The following EFCAB8 variants were observed in gnomAD, a reference collection of about 807,000 sequenced individuals.
EFCAB8 encodes the protein EF-hand calcium-binding domain-containing protein 8.
Under a neutral mutation model 116.3 loss-of-function variants are expected in EFCAB8, and 100 were observed. The observed-to-expected ratio is 0.86, with a 90% CI of 0.73 to 1.02. The LOEUF (loss-of-function observed/expected upper bound fraction) is 1.02. Ranked by LOEUF, EFCAB8 falls within the 50% of genes least tolerant of loss-of-function variation. The pLI, the probability that EFCAB8 is intolerant of heterozygous loss-of-function variation, is 0.00. For missense variants in EFCAB8, 1,320 were observed against 1,416.9 expected (o/e 0.93, Z 1.10); for synonymous variants, 558 against 567.9 (o/e 0.98, Z 0.25).
At chr20:32,951,828 T>TA (rs535290588) in intron 23 of EFCAB8, among the ~76,000 whole-genome samples, 7 of 152,164 alleles carry the variant, frequency 4.6e-5, no homozygotes, top group Admixed American at 3.9e-4. Context: ...CTTTTGCCAT[T>TA]AAAAAAAACT....
At chr20:32,906,721 T>A (rs1042507772) in intron 12 of EFCAB8, 92 bp downstream of exon 12, 2 of 721,006 alleles carry the variant, frequency 2.8e-6, no homozygotes, top group African/African-American at 3.5e-5. Context: ...CTGCACAGCA[T>A]CTGGCCTCTG....
In EFCAB8 at chr20:32,917,013, C is replaced by G. The variant is rs1015025844; in HGVS notation, c.1857-288C>G. On this transcript the variant is annotated intron_variant, in intron 17 of 26. Coordinates refer to ENST00000400522, the MANE Select transcript of EFCAB8 (RefSeq NM_001143967.2). ...CTCTGTAAGGCCACAATGTCCCCCC[C>G]CCTTTAAACCTTAATCCTTACCTAG... 40 of 356,882 alleles carry G rather than the reference C, an allele frequency of 1.1e-4. No homozygotes were observed. In the East Asian group the frequency reaches 1.7e-3, roughly 15 times the overall value. The allele number at this position is 356,882 out of a possible 1,614,324, so 22.1% of individuals were successfully genotyped here.
At chr20:32,906,686 G>C (rs1428878851) in intron 12 of EFCAB8, 57 bp downstream of exon 12, 4 of 717,730 alleles carry the variant, frequency 5.6e-6, no homozygotes, top group African/African-American at 1.7e-5. Flanking sequence ...TGGGGATGGG[G>C]GGACCACCAG....
intron 5 of EFCAB8, among the ~76,000 whole-genome samples, chr20:32,880,237 A>G (rs1429058280): frequency 2.0e-5 from 3 of 151,648 alleles, no homozygotes; most frequent in East Asian, 3.9e-4. Context: ...GGTTTAATAG[A>G]GAAGGCGGCT....
At chr20:32,942,958 A>G (rs1466523706) in intron 22 of EFCAB8, among the ~76,000 whole-genome samples, 1 of 152,084 alleles carries the variant, frequency 6.6e-6, no homozygotes, top group East Asian at 1.9e-4. Flanking sequence ...ATTGTCTTCC[A>G]TTGCTTTGTT....
At chr20:32,886,277 C>T (rs1479990864) in intron 6 of EFCAB8, among the ~76,000 whole-genome samples, 6 of 152,102 alleles carry the variant, frequency 3.9e-5, no homozygotes, top group Admixed American at 1.3e-4. Context: ...GGGCAGGGCA[C>T]GCAGCAAGTC....
At chr20:32,899,935 T>C (rs1404025792) in intron 11 of EFCAB8, among the ~76,000 whole-genome samples, 2 of 152,160 alleles carry the variant, frequency 1.3e-5, no homozygotes, top group Admixed American at 1.3e-4. Context: ...AACTGGTAGG[T>C]ATGTTCTCTC....
At chr20:32,897,860 A>C (rs1445222669) in intron 10 of EFCAB8, among the ~76,000 whole-genome samples, 1 of 152,138 alleles carries the variant, frequency 6.6e-6, no homozygotes, top group Non-Finnish European at 1.5e-5. Context: ...GAAAGCACCA[A>C]AGAAATATTT....
chr20:32,924,680 T>G (rs1180578720), intron 20 of EFCAB8, among the ~76,000 whole-genome samples: 1 of 152,230 alleles, frequency 6.6e-6, no homozygotes, highest in East Asian at 1.9e-4. Flanking sequence ...TGGGAATTCC[T>G]TGGGCTTTTT....
intron 1 of EFCAB8, among the ~76,000 whole-genome samples, chr20:32,860,842 A>G (rs6141832): frequency 0.041 from 6,303 of 152,044 alleles, 484 homozygotes; most frequent in East Asian, 0.35. Context: ...GGATGCAGGT[A>G]ATCCTCCCAT....
intron 8 of EFCAB8, 98 bp downstream of exon 8, chr20:32,892,395 C>T: frequency 9.3e-7 from 1 of 1,079,154 alleles, no homozygotes. Flanking sequence ...AGAAAGCCTC[C>T]TTGGAAAGAT....
chr20:32,887,111 GCT>G (rs1295972881), intron 6 of EFCAB8, among the ~76,000 whole-genome samples: 1 of 152,164 alleles, frequency 6.6e-6, no homozygotes, highest in East Asian at 1.9e-4. Flanking sequence ...TGCTCTTGGT[GCT>G]CTCTGAGTTC....
chr20:32,889,033 G>T (rs925680551), intron 6 of EFCAB8, among the ~76,000 whole-genome samples: 1 of 152,068 alleles, frequency 6.6e-6, no homozygotes, highest in African/African-American at 2.4e-5. Flanking sequence ...GGCTCACTGC[G>T]GCAAGACTTT....
chr20:32,945,847 A>C (rs1055812611), intron 23 of EFCAB8, among the ~76,000 whole-genome samples: 1 of 152,182 alleles, frequency 6.6e-6, no homozygotes, highest in African/African-American at 2.4e-5. Flanking sequence ...AATTACAGGA[A>C]TCTACAGGTT....
intron 5 of EFCAB8, among the ~76,000 whole-genome samples, chr20:32,883,453 G>A (rs1985443784): frequency 6.6e-6 from 1 of 152,144 alleles, no homozygotes; most frequent in Non-Finnish European, 1.5e-5. Flanking sequence ...CACTGTGTGG[G>A]CCTGGGCAAT....
intron 1 of EFCAB8, among the ~76,000 whole-genome samples, chr20:32,859,276 G>A (rs1342185151): frequency 6.6e-6 from 1 of 152,112 alleles, no homozygotes; most frequent in East Asian, 1.9e-4. Context: ...CCCCTCTTCC[G>A]TCAGCTCCGG....
Position 32,959,995 on chromosome 20 carries a change from G to A in EFCAB8, c.3294+13G>A, listed in dbSNP as rs959129637. 3 of 1,551,506 alleles carry A rather than the reference G, an allele frequency of 1.9e-6. No homozygotes were observed. Among genetic ancestry groups the A allele is most frequent in the African/African-American group, 1.4e-5 (1 of 73,150 alleles). The stretch of plus-strand genomic sequence containing the variant: ...CAGGGACAAGCAGGTGAGGCTGGGA[G>A]GGGAGCACAGGGAGGAGTGCAGGGA... On this transcript the variant is annotated intron_variant, in intron 25 of 26. Coordinates refer to ENST00000400522, the MANE Select transcript of EFCAB8 (RefSeq NM_001143967.2).
chr20:32,933,027 G>A (rs2146277500), intron 22 of EFCAB8, among the ~76,000 whole-genome samples: 1 of 152,258 alleles, frequency 6.6e-6, no homozygotes, highest in East Asian at 1.9e-4. Flanking sequence ...TTTATTTACT[G>A]CTTGCAATGT....
chr20:32,881,768 C>T (rs916339093), intron 5 of EFCAB8, among the ~76,000 whole-genome samples: 5 of 152,162 alleles, frequency 3.3e-5, no homozygotes, highest in South Asian at 2.1e-4. Context: ...GTTCCAAACT[C>T]GCGAGCCATT....
Sources: gnomAD v4.1 joint callset for allele counts (sites outside exome capture counted in the v4.1 genomes callset) on GRCh38, gnomAD v4.1.1 for gene constraint, MANE v1.5 for transcripts, NCBI Gene and HGNC (gene_info 2026-07-23, HGNC 2026-07-21) for gene names.